Variants in CFAP299 observed in about 807,000 individuals in gnomAD.
The protein encoded by CFAP299 is cilia and flagella associated protein 299.
Under a neutral mutation model 27.0 loss-of-function variants are expected in CFAP299, and 21 were observed. That is an observed-to-expected ratio of 0.78 (90% CI 0.55 to 1.12). The LOEUF (loss-of-function observed/expected upper bound fraction) is 1.12. Among genes scored for constraint, CFAP299 ranks in the 50% most tolerant of loss-of-function variants. CFAP299 has a pLI of 0.00. For synonymous variants in CFAP299, 104 were observed against 98.1 expected (o/e 1.06, Z -0.36); for missense variants, 310 against 276.6 (o/e 1.12, Z -0.86).
intron 3 of CFAP299, among the ~76,000 whole-genome samples, chr4:80,783,791 T>A (rs1727076577): frequency 6.6e-6 from 1 of 152,196 alleles, no homozygotes; most frequent in Non-Finnish European, 1.5e-5. Flanking sequence ...ATTGCAACCT[T>A]GCTCCTTCTT....
At chr4:80,635,567 C>T (rs1739433357) in intron 3 of CFAP299, among the ~76,000 whole-genome samples, 1 of 152,120 alleles carries the variant, frequency 6.6e-6, no homozygotes, top group Non-Finnish European at 1.5e-5. Context: ...AAATGGGTCA[C>T]AGTTTTAATA....
chr4:80,880,602 T>C (rs911932144), intron 4 of CFAP299, among the ~76,000 whole-genome samples: 42 of 152,170 alleles, frequency 2.8e-4, no homozygotes, highest in Non-Finnish European at 5.0e-4. Context: ...GGTGGGTGCC[T>C]GTAGTCTCAG....
At chr4:80,549,099 C>G (rs923121278) in intron 2 of CFAP299, among the ~76,000 whole-genome samples, 2 of 151,994 alleles carry the variant, frequency 1.3e-5, no homozygotes, top group African/African-American at 4.8e-5. Flanking sequence ...TCTATTAAGA[C>G]AGGTTTGTGA....
intron 3 of CFAP299, among the ~76,000 whole-genome samples, chr4:80,732,054 GACACACAGACACACAGAC>G (rs780378305): frequency 6.3e-4 from 68 of 107,190 alleles, no homozygotes; most frequent in Non-Finnish European, 1.0e-3. Context: ...TTCATACACA[GACACACAGACACACAGAC>G]ACACACACAC....
chr4:80,354,444 C>A (rs1723160990), intron 1 of CFAP299, among the ~76,000 whole-genome samples: 2 of 152,156 alleles, frequency 1.3e-5, no homozygotes, highest in Non-Finnish European at 2.9e-5. Flanking sequence ...ATGATTAAAT[C>A]TGCAAACTTT....
At chr4:80,391,987 G>A (rs1407689619) in intron 2 of CFAP299, among the ~76,000 whole-genome samples, 8 of 152,250 alleles carry the variant, frequency 5.3e-5, no homozygotes, top group Middle Eastern at 6.8e-3. Context: ...TTTGGACCTC[G>A]TGACCTGCAT....
chr4:80,961,218 G>A (rs1434966346), intron 5 of CFAP299, among the ~76,000 whole-genome samples: 3 of 151,544 alleles, frequency 2.0e-5, no homozygotes, highest in Non-Finnish European at 4.4e-5. Flanking sequence ...TTAGTTAGTA[G>A]ACCTAAGTAA....
rs146644152 is a variant in CFAP299 at position 80,542,137 on chromosome 4, C to G, written c.243-40956C>G. Among the ~76,000 whole-genome samples the G allele has an allele frequency of 8.4e-3, 1,280 of 152,254 alleles. 12 individuals carry two copies. Among genetic ancestry groups the G allele is most frequent in the African/African-American group, 0.029 (1,203 of 41,518 alleles). ...GACTTCAGGTTCTTCAGCCTTTGGA[C>G]TCTGGGACTTGCACCAGCAGCCTCC... On this transcript the variant is annotated intron_variant, in intron 2 of 5. Coordinates refer to ENST00000358105, the MANE Select transcript of CFAP299 (RefSeq NM_152770.3).
intron 2 of CFAP299, chr4:80,386,891 GCA>G (rs1449283354): frequency 3.6e-6 from 3 of 842,392 alleles, no homozygotes. Flanking sequence ...CGCACACCGA[GCA>G]TTTGTAGGGC....
At chr4:80,741,518 G>T (rs1318194668) in intron 3 of CFAP299, among the ~76,000 whole-genome samples, 1 of 152,088 alleles carries the variant, frequency 6.6e-6, no homozygotes, top group Non-Finnish European at 1.5e-5. Flanking sequence ...TCATGACTCT[G>T]CCTGGTGCTG....
intron 4 of CFAP299, among the ~76,000 whole-genome samples, chr4:80,906,137 T>C (rs902645244): frequency 1.7e-4 from 26 of 152,020 alleles, no homozygotes; most frequent in Admixed American, 6.6e-5. Flanking sequence ...ACCCATTCCA[T>C]ATGGAAGAAA....
intron 3 of CFAP299, among the ~76,000 whole-genome samples, chr4:80,633,982 CTTTTTTTTT>C (rs1225649545): frequency 8.7e-6 from 1 of 115,186 alleles, no homozygotes; most frequent in African/African-American, 3.4e-5. Flanking sequence ...GAGGAGAAAA[CTTTTTTTTT>C]TTTTTTTTTT....
intron 3 of CFAP299, among the ~76,000 whole-genome samples, chr4:80,866,203 G>T (rs973372893): frequency 2.7e-5 from 4 of 149,972 alleles, no homozygotes; most frequent in African/African-American, 9.8e-5. Context: ...ACAGCCACAG[G>T]TGATTATCGT....
At chr4:80,793,100 T>C (rs1727662909) in intron 3 of CFAP299, among the ~76,000 whole-genome samples, 1 of 97,398 alleles carries the variant, frequency 1.0e-5, no homozygotes, top group Admixed American at 1.0e-4. Flanking sequence ...CTATTAGTTA[T>C]GTGTGTGTGT....
intron 4 of CFAP299, among the ~76,000 whole-genome samples, chr4:80,885,195 C>T (rs1733914402): frequency 6.6e-6 from 1 of 152,158 alleles, no homozygotes; most frequent in African/African-American, 2.4e-5. Context: ...GGCAATTGCC[C>T]ATCCCAGCAA....
intron 5 of CFAP299, among the ~76,000 whole-genome samples, chr4:80,962,733 C>T (rs922685438): frequency 2.0e-5 from 3 of 151,858 alleles, no homozygotes; most frequent in Admixed American, 1.3e-4. Flanking sequence ...TTCTAATTAT[C>T]TCTTCTTAGA....
chr4:80,534,274 C>T (rs866803594), intron 2 of CFAP299, among the ~76,000 whole-genome samples: 22 of 146,048 alleles, frequency 1.5e-4, no homozygotes, highest in African/African-American at 4.8e-4. Flanking sequence ...TCCTTAAAAG[C>T]GTAAGTTATC....
intron 2 of CFAP299, among the ~76,000 whole-genome samples, chr4:80,503,296 A>C (rs1297010968): frequency 6.6e-6 from 1 of 152,064 alleles, no homozygotes; most frequent in East Asian, 1.9e-4. Context: ...TTATAAGTGC[A>C]TATTCAAGAC....
At chr4:80,492,118 C>T (rs1213437810) in intron 2 of CFAP299, among the ~76,000 whole-genome samples, 1 of 152,158 alleles carries the variant, frequency 6.6e-6, no homozygotes, top group Non-Finnish European at 1.5e-5. Flanking sequence ...TTTAAATTCA[C>T]CTATAGCCTG....
Sources: gnomAD v4.1 joint callset for allele counts (sites outside exome capture counted in the v4.1 genomes callset) on GRCh38, gnomAD v4.1.1 for gene constraint, MANE v1.5 for transcripts, NCBI Gene and HGNC (gene_info 2026-07-23, HGNC 2026-07-21) for gene names.